The following CAPS2 variants were observed in gnomAD, a reference collection of about 807,000 sequenced individuals.
The protein encoded by CAPS2 is calcyphosine 2, also known as calcyphosin-2.
Under a neutral mutation model 86.5 loss-of-function variants are expected in CAPS2, and 98 were observed. The observed-to-expected ratio is 1.13, with a 90% CI of 0.96 to 1.34. The LOEUF (loss-of-function observed/expected upper bound fraction) is 1.34, where lower values mean the gene tolerates loss of function less well. Ranked by LOEUF, CAPS2 falls within the 40% of genes most tolerant of loss-of-function variation. The pLI, the probability that CAPS2 is intolerant of heterozygous loss-of-function variation, is 0.00. For missense variants in CAPS2, 729 were observed against 686.8 expected (o/e 1.06, Z -0.69); for synonymous variants, 210 against 225.1 (o/e 0.93, Z 0.60).
intron 1 of CAPS2, among the ~76,000 whole-genome samples, chr12:75,353,153 A>T (rs2042925473): frequency 6.6e-6 from 1 of 152,160 alleles, no homozygotes; most frequent in Non-Finnish European, 1.5e-5. Flanking sequence ...ATCAGAGTGA[A>T]ACTAAAGGTG....
chr12:75,325,947 G>C (rs551875302), intron 1 of CAPS2, among the ~76,000 whole-genome samples: 7 of 152,024 alleles, frequency 4.6e-5, no homozygotes, highest in African/African-American at 1.7e-4. Context: ...CAATCTTATT[G>C]CCAAAAAAAC....
intron 1 of CAPS2, among the ~76,000 whole-genome samples, chr12:75,363,360 C>A (rs927774290): frequency 3.9e-5 from 6 of 152,184 alleles, no homozygotes; most frequent in Non-Finnish European, 7.4e-5. Flanking sequence ...TCAGATGATT[C>A]CTGCTTTCTT....
chr12:75,283,966 T>A (rs1392015826), intron 15 of CAPS2, among the ~76,000 whole-genome samples: 2 of 152,190 alleles, frequency 1.3e-5, no homozygotes, highest in African/African-American at 2.4e-5. Flanking sequence ...ACTTCTAACC[T>A]CCAGAGCTAT....
chr12:75,372,363 CTT>C (rs1209584256), intron 1 of CAPS2, among the ~76,000 whole-genome samples: 1 of 152,172 alleles, frequency 6.6e-6, no homozygotes, highest in Non-Finnish European at 1.5e-5. Context: ...CACTATAACT[CTT>C]GTTAGCCTGT....
At chr12:75,312,910 A>G (rs765797085) in exon 7 of CAPS2, 2 of 1,601,296 alleles carry the variant, frequency 1.2e-6, no homozygotes, top group East Asian at 4.5e-5. Context: ...CTGCAGCCAC[A>G]ATTTCCTGGG....
intron 1 of CAPS2, among the ~76,000 whole-genome samples, chr12:75,380,063 T>C (rs886655127): frequency 1.3e-4 from 20 of 151,712 alleles, no homozygotes; most frequent in East Asian, 3.9e-4. Flanking sequence ...AAGTAATATA[T>C]TACAAAATAC....
rs558661520 is a variant in CAPS2 at position 75,363,327 on chromosome 12, G to A, written c.-395+27511C>T. On this transcript the variant is annotated intron_variant, in intron 1 of 5. Coordinates refer to the CAPS2 transcript ENST00000551829. ...GTTGTTATCTTACGATATAAATCATGTCATAAATTGTAATACTTAAACTCA... is the reference window on the plus strand; with the variant it reads ...GTTGTTATCTTACGATATAAATCATATCATAAATTGTAATACTTAAACTCA... 56 of 401,058 alleles carry A rather than the reference G, an allele frequency of 1.4e-4. No individual in the cohort carries two copies. The South Asian group carries it at 4.5e-3, about 32-fold the overall frequency. The allele number at this position is 401,058 out of a possible 1,614,324, so 24.8% of individuals were successfully genotyped here.
intron 1 of CAPS2, chr12:75,359,889 A>G (rs2043452337): frequency 6.6e-6 from 1 of 152,210 alleles, no homozygotes; most frequent in South Asian, 2.1e-4. Context: ...TGGGTCATTT[A>G]TAAAGGAAAT....
chr12:75,328,521 G>C (rs1290647688), upstream of CAPS2, among the ~76,000 whole-genome samples: 9 of 152,276 alleles, frequency 5.9e-5, no homozygotes, highest in African/African-American at 2.2e-4. Context: ...AGACCAAGAA[G>C]GTTGGCGTCT....
chr12:75,296,961 T>C (rs1273128982), intron 11 of CAPS2, among the ~76,000 whole-genome samples: 1 of 152,246 alleles, frequency 6.6e-6, no homozygotes, highest in African/African-American at 2.4e-5. Flanking sequence ...GTGAACCTCT[T>C]TTGATATCCC....
chr12:75,388,325 T>C (rs2045396361), intron 1 of CAPS2, among the ~76,000 whole-genome samples: 1 of 152,182 alleles, frequency 6.6e-6, no homozygotes, highest in South Asian at 2.1e-4. Context: ...TTACCCAGTC[T>C]TGGGTCTGTC....
At chr12:75,300,780 A>G (rs1165675974) in intron 8 of CAPS2, among the ~76,000 whole-genome samples, 1 of 152,046 alleles carries the variant, frequency 6.6e-6, no homozygotes, top group Non-Finnish European at 1.5e-5. Flanking sequence ...AGAACGACCA[A>G]AAAGATATAG....
chr12:75,279,268 C>G (rs1464791177), intron 16 of CAPS2, among the ~76,000 whole-genome samples: 1 of 151,952 alleles, frequency 6.6e-6, no homozygotes, highest in Non-Finnish European at 1.5e-5. Flanking sequence ...CCCCTGCTCT[C>G]CTGCACTGAT....
chr12:75,367,617 T>C (rs939213213), intron 1 of CAPS2, among the ~76,000 whole-genome samples: 15 of 152,252 alleles, frequency 9.9e-5, no homozygotes, highest in African/African-American at 3.6e-4. Context: ...TAATTGATTT[T>C]ATTGCCTTAA....
intron 11 of CAPS2, among the ~76,000 whole-genome samples, chr12:75,296,536 C>T (rs1322985761): frequency 1.3e-5 from 2 of 152,140 alleles, no homozygotes; most frequent in Non-Finnish European, 2.9e-5. Flanking sequence ...TCGTGATCTG[C>T]CCCCCTCGGC....
intron 11 of CAPS2, chr12:75,294,938 G>A (rs1369931672): frequency 6.6e-6 from 1 of 152,280 alleles, no homozygotes; most frequent in Non-Finnish European, 1.5e-5. Flanking sequence ...AGAGCCAGAT[G>A]GCTGATACTT....
chr12:75,330,184 C>G (rs1458340940), upstream of CAPS2: 6 of 253,604 alleles, frequency 2.4e-5, no homozygotes, highest in East Asian at 4.3e-4. Flanking sequence ...GCCAATCTGC[C>G]TCCTCAGTTC....
intron 1 of CAPS2, among the ~76,000 whole-genome samples, chr12:75,364,189 A>G (rs1305556005): frequency 6.6e-6 from 1 of 152,162 alleles, no homozygotes; most frequent in Non-Finnish European, 1.5e-5. Context: ...GCTTTTTCTG[A>G]ATTACAAAAG....
chr12:75,318,918 A>G (rs2040041133), intron 5 of CAPS2, among the ~76,000 whole-genome samples: 1 of 152,210 alleles, frequency 6.6e-6, no homozygotes, highest in South Asian at 2.1e-4. Context: ...TTGAAAGAAT[A>G]AATAATAAAT....
Sources: gnomAD v4.1 joint callset for allele counts (sites outside exome capture counted in the v4.1 genomes callset) on GRCh38, gnomAD v4.1.1 for gene constraint, MANE v1.5 for transcripts, NCBI Gene and HGNC (gene_info 2026-07-23, HGNC 2026-07-21) for gene names.